PTPRM: variants seen among roughly 807,000 people sequenced by gnomAD.
The protein encoded by PTPRM is protein tyrosine phosphatase receptor type M, also known as receptor-type tyrosine-protein phosphatase mu.
Under a neutral mutation model 186.7 loss-of-function variants are expected in PTPRM, and 47 were observed. The ratio of observed to expected loss-of-function variants is 0.25; its 90% CI spans 0.20 to 0.32. PTPRM has a LOEUF of 0.32. Ranked by LOEUF, PTPRM falls within the 10% of genes least tolerant of loss-of-function variation. The probability of loss-of-function intolerance (pLI) is 1.00; values close to 1 mark genes in which losing one functional copy is unlikely to be tolerated. For synonymous variants in PTPRM, 668 were observed against 674.9 expected, an observed-to-expected ratio of 0.99 and a Z score of 0.16; for missense variants, 1,494 against 1,865.0, an observed-to-expected ratio of 0.80 and a Z score of 3.66.
At chr18:7,768,247 A>G (rs2042105070) in intron 1 of PTPRM, among the ~76,000 whole-genome samples, 1 of 152,180 alleles carries the variant, frequency 6.6e-6, no homozygotes, top group South Asian at 2.1e-4. Context: ...CCTTAATCCT[A>G]GTGCTTTGGG....
intron 22 of PTPRM, among the ~76,000 whole-genome samples, chr18:8,330,137 C>G (rs1183333065): frequency 6.6e-6 from 1 of 152,142 alleles, no homozygotes; most frequent in African/African-American, 2.4e-5. Context: ...CTTCTCCACC[C>G]CTACCCCATT....
intron 1 of PTPRM, among the ~76,000 whole-genome samples, chr18:7,674,595 G>A (rs1384843596): frequency 2.0e-5 from 3 of 152,174 alleles, no homozygotes; most frequent in Non-Finnish European, 4.4e-5. Context: ...TGAGAAGGCC[G>A]AAGTTTGAGA....
intron 3 of PTPRM, 73 bp downstream of exon 3, chr18:7,888,450 A>G: frequency 7.0e-7 from 1 of 1,436,766 alleles, no homozygotes; most frequent in South Asian, 1.5e-5. Context: ...TTGTTATATC[A>G]TTATAATCAG....
chr18:8,280,509 G>T (rs933630068), intron 19 of PTPRM, among the ~76,000 whole-genome samples: 1 of 152,128 alleles, frequency 6.6e-6, no homozygotes, highest in Non-Finnish European at 1.5e-5. Context: ...CCAAGGTTGG[G>T]CTGGGCAAGG....
At chr18:7,899,457 G>A (rs1032413477) in intron 3 of PTPRM, among the ~76,000 whole-genome samples, 1 of 152,106 alleles carries the variant, frequency 6.6e-6, no homozygotes. Flanking sequence ...TGTATTTTCT[G>A]TCAAGCCAAG....
chr18:7,837,317 A>G (rs548231200), intron 2 of PTPRM, among the ~76,000 whole-genome samples: 1 of 152,300 alleles, frequency 6.6e-6, no homozygotes, highest in Admixed American at 6.5e-5. Flanking sequence ...ATTCTTCAGT[A>G]TGCTAATTGA....
intron 14 of PTPRM, among the ~76,000 whole-genome samples, chr18:8,194,003 G>A (rs554182737): frequency 1.1e-4 from 17 of 152,230 alleles, no homozygotes; most frequent in Non-Finnish European, 1.9e-4. Flanking sequence ...TTTTATCTTC[G>A]TGACACTCTG....
At chr18:8,268,307 T>G (rs988233708) in intron 19 of PTPRM, among the ~76,000 whole-genome samples, 3 of 152,106 alleles carry the variant, frequency 2.0e-5, no homozygotes, top group Non-Finnish European at 4.4e-5. Flanking sequence ...TTTGGTTTGA[T>G]AAGATTAAAG....
At chr18:8,041,527 C>T (rs983338521) in intron 7 of PTPRM, among the ~76,000 whole-genome samples, 1 of 151,806 alleles carries the variant, frequency 6.6e-6, no homozygotes, top group Non-Finnish European at 1.5e-5. Flanking sequence ...TATCTTCTTT[C>T]TTATAAGATG....
chr18:8,099,083 T>G lies in PTPRM; in HGVS notation c.1856+10232T>G, dbSNP rs1423026299. 2.0e-5 allele frequency among the ~76,000 whole-genome samples: 3 copies of G among 152,138 alleles called. No homozygotes were observed. In the South Asian group the frequency reaches 6.2e-4, roughly 31 times the overall value. ...TGTTTCTTTCATGGAATCTTCTCTCTTTTATCTTCCCTCTGTCCTGCCTGC... is the reference window on the plus strand; with the variant it reads ...TGTTTCTTTCATGGAATCTTCTCTCGTTTATCTTCCCTCTGTCCTGCCTGC... On this transcript the variant is annotated intron_variant, in intron 11 of 32. Transcript: ENST00000580170.
intron 23 of PTPRM, among the ~76,000 whole-genome samples, chr18:8,347,952 G>A (rs1598394016): frequency 6.6e-6 from 1 of 152,344 alleles, no homozygotes; most frequent in East Asian, 1.9e-4. Context: ...TGTCTGGCAT[G>A]ATTTGGGGGT....
intron 2 of PTPRM, among the ~76,000 whole-genome samples, chr18:7,821,302 CAGTTGCTTTTCAGTCCCTCTCCAGTTAG>C: frequency 6.6e-6 from 1 of 152,236 alleles, no homozygotes; most frequent in South Asian, 2.1e-4. Flanking sequence ...CATGCAGGGA[CAGTTGCTTTTCAGTCCCTCTCCAGTTAG>C]AATCTAGAGA....
intron 1 of PTPRM, among the ~76,000 whole-genome samples, chr18:7,682,457 C>G (rs1302745459): frequency 6.6e-6 from 1 of 152,214 alleles, no homozygotes; most frequent in Non-Finnish European, 1.5e-5. Context: ...TTAAGTTTCA[C>G]TCATTTCTGC....
chr18:8,133,046 C>A (rs577369), intron 13 of PTPRM, among the ~76,000 whole-genome samples: 103,710 of 151,956 alleles, frequency 0.68, 36,989 homozygotes, highest in East Asian at 0.89. Flanking sequence ...CATCTCATGA[C>A]AGAAGGCAGA....
rs568918870 is a variant in PTPRM, at chr18:7,828,224, C to CT, written c.196+53963dup. 3.0e-3 allele frequency among the ~76,000 whole-genome samples: 436 copies of CT among 146,798 alleles called. 1 individual carries two copies. Among genetic ancestry groups the CT allele is most frequent in the African/African-American group, 0.01 (410 of 40,018 alleles). On this transcript the variant is annotated intron_variant, in intron 2 of 32. Transcript: ENST00000580170. ...TTTTGGGAACTAATGAGTTAGAATT[C>CT]TTTTTTTTTTCTTTTTTTATTTTTA...
intron 9 of PTPRM, among the ~76,000 whole-genome samples, chr18:8,084,037 G>T (rs1004523825): frequency 6.6e-6 from 1 of 152,046 alleles, no homozygotes; most frequent in Non-Finnish European, 1.5e-5. Flanking sequence ...AGCCACGGTG[G>T]GCAGCGTCAG....
intron 3 of PTPRM, among the ~76,000 whole-genome samples, chr18:7,897,698 A>G (rs982085297): frequency 3.3e-5 from 5 of 152,170 alleles, no homozygotes; most frequent in African/African-American, 9.7e-5. Context: ...ATGATAAAGG[A>G]TAAGTACTTC....
chr18:7,884,272 C>G (rs2048654796), intron 2 of PTPRM, among the ~76,000 whole-genome samples: 1 of 152,166 alleles, frequency 6.6e-6, no homozygotes, highest in Non-Finnish European at 1.5e-5. Flanking sequence ...TCCCGCTTGC[C>G]TTGTATGCAT....
chr18:8,228,721 C>T (rs1234648225), intron 14 of PTPRM, among the ~76,000 whole-genome samples: 3 of 150,728 alleles, frequency 2.0e-5, no homozygotes, highest in African/African-American at 7.3e-5. Context: ...GGTGTGGTGG[C>T]ATACGCCTGT....
Sources: allele counts gnomAD v4.1 joint callset (sites outside exome capture counted in the v4.1 genomes callset), GRCh38; gene constraint gnomAD v4.1.1; transcripts MANE v1.5; gene names NCBI Gene and HGNC (gene_info 2026-07-23, HGNC 2026-07-21).